ADCY5: variants seen among roughly 807,000 people sequenced by gnomAD.
The protein encoded by ADCY5 is adenylate cyclase type 5.
A neutral mutation model predicts 119.7 loss-of-function variants in ADCY5; 30 were observed. The observed-to-expected ratio is 0.25, with a 90% CI of 0.19 to 0.34. The LOEUF (loss-of-function observed/expected upper bound fraction) is 0.34. Ranked by LOEUF, ADCY5 falls within the 10% of genes least tolerant of loss-of-function variation. The probability of loss-of-function intolerance (pLI) is 1.00; values close to 1 mark genes in which losing one functional copy is unlikely to be tolerated. For synonymous variants in ADCY5, 753 were observed against 762.2 expected (o/e 0.99, Z 0.20); for missense variants, 1,324 against 1,775.2 (o/e 0.75, Z 4.57).
rs576781223 is a variant in ADCY5 at position 123,385,245 on chromosome 3, C to T, written c.1135-32664G>A. ...ACACATTCACACTGCAGGGGAAAGC[C>T]GGTACACATCCTTCTAGGGGCAAAA... is the stretch of plus-strand genomic sequence containing the variant. On this transcript the variant is annotated intron_variant, in intron 1 of 20. Coordinates refer to ENST00000462833, the MANE Select transcript of ADCY5 (RefSeq NM_183357.3). Among the ~76,000 whole-genome samples the T allele has an allele frequency of 1.1e-4, 17 of 152,036 alleles. No individual in the cohort carries two copies. The South Asian group carries it at 3.1e-3, about 28-fold the overall frequency.
intron 3 of ADCY5, among the ~76,000 whole-genome samples, chr3:123,339,812 A>G (rs1036415895): frequency 7.4e-6 from 1 of 134,294 alleles, no homozygotes; most frequent in African/African-American, 2.8e-5. Flanking sequence ...CATTCTGTTT[A>G]GAAAGTCTAG....
At chr3:123,301,107 G>A (rs1939821149) in intron 14 of ADCY5, among the ~76,000 whole-genome samples, 2 of 152,022 alleles carry the variant, frequency 1.3e-5, no homozygotes, top group African/African-American at 2.4e-5. Context: ...AGGTAATCTC[G>A]GAGGTCCCCA....
intron 12 of ADCY5, among the ~76,000 whole-genome samples, chr3:123,310,141 C>CACACACAT (rs1379076039): frequency 3.3e-5 from 5 of 151,044 alleles, no homozygotes; most frequent in Non-Finnish European, 5.9e-5. Flanking sequence ...CACACACACA[C>CACACACAT]ACACACACAG....
intron 6 of ADCY5, 40 bp from the exon 7 acceptor site, chr3:123,327,799 C>T (rs200371739): frequency 9.2e-5 from 148 of 1,608,726 alleles, no homozygotes; most frequent in Admixed American, 1.3e-4. Context: ...GGGCAGAAAA[C>T]TCAAAGTCAT....
intron 4 of ADCY5, among the ~76,000 whole-genome samples, 167 bp from the exon 5 acceptor site, chr3:123,331,183 A>C (rs1941746518): frequency 6.6e-6 from 1 of 152,194 alleles, no homozygotes; most frequent in Non-Finnish European, 1.5e-5. Flanking sequence ...CAGGCTTATC[A>C]GGAGACATTG....
Position 123,289,965 on chromosome 3 carries a change from G to T in ADCY5, c.3328-11C>A, listed in dbSNP as rs1446443482. 1 of 1,613,562 alleles carries T rather than the reference G, an allele frequency of 6.2e-7. No homozygotes were observed. The highest frequency in any genetic ancestry group is 1.1e-5 in the South Asian group (1 of 90,974). ...ATCCTCGCTGATGATCTGGATGAAG[G>T]AGGCCAAACCTGGGTCACCCCAAGC... On this transcript the variant is annotated splice_polypyrimidine_tract_variant and intron_variant, in intron 18 of 20. Transcript: ENST00000462833.
chr3:123,297,003 A>C, intron 16 of ADCY5: 1 of 1,535,980 alleles, frequency 6.5e-7, no homozygotes, highest in South Asian at 1.2e-5. Flanking sequence ...CTCCAGAGGG[A>C]AAGTAGGTAC....
chr3:123,436,385 C>T (rs1410110317), intron 1 of ADCY5, among the ~76,000 whole-genome samples: 3 of 151,522 alleles, frequency 2.0e-5, no homozygotes, highest in Non-Finnish European at 4.4e-5. Context: ...AGCAAAAATT[C>T]AAAAACAGTA....
At position 123,359,032 on chromosome 3, in the gene ADCY5, T is replaced by G. The variant is rs190125766; in HGVS notation, c.1135-6451A>C. ...GGGAAAGGTGCAAGGCAAAGGGGAA[T>G]GAGAAATGCATGGTTTTGGAGTAGA... On this transcript the variant is annotated intron_variant, in intron 1 of 20. Coordinates refer to ENST00000462833, the MANE Select transcript of ADCY5 (RefSeq NM_183357.3). 1.1e-4 allele frequency among the ~76,000 whole-genome samples: 16 copies of G among 151,876 alleles called. No individual in the cohort carries two copies. The East Asian group carries it at 2.5e-3, about 24-fold the overall frequency.
intron 1 of ADCY5, among the ~76,000 whole-genome samples, chr3:123,394,287 G>C (rs1165615018): frequency 6.6e-6 from 1 of 152,122 alleles, no homozygotes; most frequent in Non-Finnish European, 1.5e-5. Flanking sequence ...TACCACCTTA[G>C]CAAATCAATT....
At chr3:123,355,424 A>G (rs1011013770) in intron 1 of ADCY5, among the ~76,000 whole-genome samples, 2 of 152,178 alleles carry the variant, frequency 1.3e-5, no homozygotes, top group African/African-American at 2.4e-5. Context: ...GCAACTGTAC[A>G]TATTTTCCAT....
At chr3:123,435,737 G>A (rs1017300719) in intron 1 of ADCY5, among the ~76,000 whole-genome samples, 8 of 151,798 alleles carry the variant, frequency 5.3e-5, no homozygotes, top group Non-Finnish European at 1.2e-4. Context: ...GCTGGGCGTG[G>A]TGAGACCTAT....
chr3:123,428,756 G>A (rs1317845274), intron 1 of ADCY5, among the ~76,000 whole-genome samples: 1 of 152,192 alleles, frequency 6.6e-6, no homozygotes, highest in Non-Finnish European at 1.5e-5. Flanking sequence ...AATTTGCGGG[G>A]GGTGCCTATT....
intron 1 of ADCY5, among the ~76,000 whole-genome samples, chr3:123,373,451 C>A (rs1943703876): frequency 6.6e-6 from 1 of 152,182 alleles, no homozygotes; most frequent in African/African-American, 2.4e-5. Flanking sequence ...GCTGGGCTGC[C>A]CCAAGAGCCA....
chr3:123,396,532 A>AAAAGAAAGAAAGAAAG (rs370071235), intron 1 of ADCY5, among the ~76,000 whole-genome samples: 29 of 137,892 alleles, frequency 2.1e-4, no homozygotes, highest in African/African-American at 8.3e-4. Context: ...AGAGAGAAAG[A>AAAAGAAAGAAAGAAAG]AAAGAAAGAA....
chr3:123,418,384 T>C (rs147835703), intron 1 of ADCY5, among the ~76,000 whole-genome samples: 1,863 of 152,264 alleles, frequency 0.012, 22 homozygotes, highest in Non-Finnish European at 0.02. Flanking sequence ...TGAGACTGGG[T>C]AATTTAGAAA....
rs766510659 is a variant in ADCY5 at position 123,319,823 on chromosome 3, G to T, written c.2112-5C>A. The T allele has an allele frequency of 6.2e-7, 1 of 1,612,590 alleles. No homozygotes were observed. The highest frequency in any genetic ancestry group is 8.5e-7 in the Non-Finnish European group (1 of 1,178,740). On this transcript the variant is annotated splice_region_variant and splice_polypyrimidine_tract_variant and intron_variant, in intron 9 of 20. Transcript: ENST00000462833. ...TTCGCACTCTCCTGGGCGTTCCTGG[G>T]GAGCAGAAGGCACGGGCGTGAGACA...
At chr3:123,396,069 G>GGAGAGAGGGAGGGAGGGA (rs1310383163) in intron 1 of ADCY5, among the ~76,000 whole-genome samples, 5 of 9,240 alleles carry the variant, frequency 5.4e-4, no homozygotes, top group African/African-American at 1.8e-3. Flanking sequence ...AGGGTGGGAG[G>GGAGAGAGGGAGGGAGGGA]GAGAGGGAGG....
intron 3 of ADCY5, among the ~76,000 whole-genome samples, chr3:123,342,769 G>GT (rs1302043182): frequency 6.6e-6 from 1 of 152,120 alleles, no homozygotes; most frequent in African/African-American, 2.4e-5. Context: ...GTCATCCACA[G>GT]TAAGAAGGAG....
Sources: allele counts gnomAD v4.1 joint callset (sites outside exome capture counted in the v4.1 genomes callset), GRCh38; gene constraint gnomAD v4.1.1; transcripts MANE v1.5; gene names NCBI Gene and HGNC (gene_info 2026-07-23, HGNC 2026-07-21).